The following CAPN5 variants were observed in gnomAD, a reference collection of about 807,000 sequenced individuals.
CAPN5 encodes the protein calpain-5.
CAPN5 carries 54 observed loss-of-function variants against 73.0 expected under a neutral mutation model. The observed-to-expected ratio is 0.74, with a 90% CI of 0.59 to 0.93. The LOEUF (loss-of-function observed/expected upper bound fraction) is 0.93, where lower values mean the gene tolerates loss of function less well. Among genes scored for constraint, CAPN5 ranks in the 40% least tolerant of loss-of-function variants. The pLI, the probability that CAPN5 is intolerant of heterozygous loss-of-function variation, is 0.00. For synonymous variants in CAPN5, 335 were observed against 356.9 expected (o/e 0.94, Z 0.69); for missense variants, 785 against 882.9 (o/e 0.89, Z 1.41).
intron 11 of CAPN5, 34 bp from the exon 12 acceptor site, chr11:77,122,542 C>T (rs1320704): frequency 8.4e-7 from 1 of 1,192,012 alleles, no homozygotes; most frequent in East Asian, 2.6e-5. Context: ...CCCCCACCCC[C>T]ACCCTCACCC....
In CAPN5 at chr11:77,120,805, C is replaced by T. The variant is rs781914817; in HGVS notation, c.1383C>T (p.Thr461=). ...ACTCACGCAGCGTCTTCCTGCGCACCGACCAGCCCGAGGGCCGCTATGTCA... is the reference window on the plus strand; with the variant it reads ...ACTCACGCAGCGTCTTCCTGCGCACTGACCAGCCCGAGGGCCGCTATGTCA... The part of the protein sequence containing the change: ...YINSRSVFLR[T]DQPEGRYVII... The change falls in exon 10 of 13, where the codon ACC becomes ACT. Residue 461 remains threonine (T), a synonymous_variant. Transcript: ENST00000648180. The T allele has an allele frequency of 2.5e-6, 4 of 1,614,028 alleles. No individual in the cohort carries two copies. Among genetic ancestry groups the T allele is most frequent in the African/African-American group, 2.7e-5 (2 of 74,926 alleles).
At chr11:77,122,354 G>A (rs960988201) in intron 11 of CAPN5, among the ~76,000 whole-genome samples, 7 of 152,180 alleles carry the variant, frequency 4.6e-5, no homozygotes, top group African/African-American at 9.7e-5. Flanking sequence ...AAGGTGCTCC[G>A]GGCAGAGGGA....
Position 77,119,112 on chromosome 11 carries a change from G to A in CAPN5, c.1250G>A (p.Gly417Asp). ...CCAAAGCGGTCTACGCGCCGGGAGG[G>A]CAAGGGTGAGAACCTGGCCATTGGC... ...QRPKRSTRRE[G>D]KGENLAIGFD... The change falls in exon 9 of 13, where the codon GGC becomes GAC. Residue 417 changes from glycine (G) to aspartate (D), a missense_variant. Transcript: ENST00000648180. 1.2e-6 allele frequency: 2 copies of A among 1,613,770 alleles called. No homozygotes were observed. Among genetic ancestry groups the A allele is most frequent in the Non-Finnish European group, 1.7e-6 (2 of 1,179,920 alleles).
intron 1 of CAPN5, among the ~76,000 whole-genome samples, chr11:77,076,408 A>G (rs1949969006): frequency 1.3e-5 from 2 of 152,206 alleles, no homozygotes; most frequent in Non-Finnish European, 2.9e-5. Flanking sequence ...GTTATTAACT[A>G]TTGTCACCAT....
chr11:77,116,506 C>G (rs1184457523), intron 7 of CAPN5, among the ~76,000 whole-genome samples: 2 of 152,190 alleles, frequency 1.3e-5, no homozygotes, highest in Non-Finnish European at 2.9e-5. Context: ...GCCCTTTCAT[C>G]CCCACAGTCC....
intron 3 of CAPN5, among the ~76,000 whole-genome samples, chr11:77,106,265 A>C (rs1591137113): frequency 1.6e-3 from 184 of 116,818 alleles, no homozygotes; most frequent in Middle Eastern, 4.2e-3. Context: ...CCCGCACCCA[A>C]CCCCCACCCC....
intron 2 of CAPN5, among the ~76,000 whole-genome samples, chr11:77,091,393 CTG>C (rs1950147675): frequency 1.1e-4 from 16 of 152,330 alleles, no homozygotes; most frequent in African/African-American, 3.4e-4. Flanking sequence ...TCAGGAGCGC[CTG>C]CTGGAGTGGA....
chr11:77,109,216 A>T (rs1555040390), intron 3 of CAPN5, among the ~76,000 whole-genome samples: 1 of 152,158 alleles, frequency 6.6e-6, no homozygotes, highest in African/African-American at 2.4e-5. Flanking sequence ...AAATTCATTC[A>T]TTCTTCAGTG....
At chr11:77,088,511 G>T (rs1036980895) in intron 2 of CAPN5, among the ~76,000 whole-genome samples, 40 of 152,096 alleles carry the variant, frequency 2.6e-4, no homozygotes, top group African/African-American at 9.2e-4. Flanking sequence ...TGGAGGAGAA[G>T]GAGGTAGGGC....
rs186635982 is a variant in CAPN5 at position 77,079,723 on chromosome 11, C to T, written c.-35-5129C>T. ...TTTTCTAGATATAGTCAAATGGTTT[C>T]GCAAAGTGATTATACCAATTTGTCC... On this transcript the variant is annotated intron_variant, in intron 1 of 12. Transcript: ENST00000648180. Among the ~76,000 whole-genome samples, 564 of 151,882 alleles carry T rather than the reference C, an allele frequency of 3.7e-3. 1 individual carries two copies. Among genetic ancestry groups the T allele is most frequent in the Admixed American group, 5.5e-3 (84 of 15,238 alleles).
chr11:77,098,271 C>T lies in CAPN5; in HGVS notation c.297+4458C>T, dbSNP rs1476197912. On this transcript the variant is annotated intron_variant, in intron 3 of 12. Coordinates refer to ENST00000648180, the MANE Select transcript of CAPN5 (RefSeq NM_004055.5). ...CTCCCGGACGGGGCGTCTGGCCGGG[C>T]GGGGGGCTGACCCCCCCACCTCCCT... Among the ~76,000 whole-genome samples, 21 of 97,548 alleles carry T rather than the reference C, an allele frequency of 2.2e-4. 1 individual carries two copies. The highest frequency in any genetic ancestry group is 4.2e-4 in the Non-Finnish European group (20 of 48,056). 64.0% of individuals were successfully genotyped at this position (97,548 alleles called of 152,430 possible).
At position 77,125,663 on chromosome 11, in the gene CAPN5, C is replaced by G. The variant is rs1479859118; in HGVS notation, c.*1793C>G. On this transcript the variant is annotated 3_prime_UTR_variant, in exon 13 of 13. Coordinates refer to ENST00000648180, the MANE Select transcript of CAPN5 (RefSeq NM_004055.5). ...ATACATTCATGTAATCACCACTTCT[C>G]GATGTCTATTTCAAATCAAGGCTCC... 6.6e-6 allele frequency: 1 copy of G among 150,934 alleles called. No individual in the cohort carries two copies. Among genetic ancestry groups the G allele is most frequent in the African/African-American group, 2.5e-5 (1 of 40,698 alleles). The allele number at this position is 150,934 out of a possible 1,614,324, so 9.3% of individuals were successfully genotyped here.
chr11:77,093,709 GTGGA>G lies in CAPN5; in HGVS notation c.197_200del (p.Asp66AlafsTer96). ...CATCTGCGAGGACCCCCGCCTCTTT[GTGGA>G]TGGCATCAGCTCCCACGACCTGCAC... is the stretch of plus-strand genomic sequence containing the variant. On this transcript the variant is annotated frameshift_variant, in exon 3 of 13. Coordinates refer to ENST00000648180, the MANE Select transcript of CAPN5 (RefSeq NM_004055.5). LOFTEE classifies it high-confidence loss of function. 6.2e-7 allele frequency: 1 copy of G among 1,608,118 alleles called. No homozygotes were observed. Among genetic ancestry groups the G allele is most frequent in the Non-Finnish European group, 8.5e-7 (1 of 1,178,692 alleles).
At chr11:77,118,069 T>C in intron 7 of CAPN5, 88 bp from the exon 8 acceptor site, 1 of 1,213,406 alleles carries the variant, frequency 8.2e-7, no homozygotes, top group South Asian at 1.4e-5. Flanking sequence ...CTCTGGGCCA[T>C]ATGGACATAT....
chr11:77,069,879 C>A, intron 1 of CAPN5, among the ~76,000 whole-genome samples: 1 of 152,192 alleles, frequency 6.6e-6, no homozygotes, highest in East Asian at 1.9e-4. Context: ...TGCTGCCCAC[C>A]TCTGAGCCCT....
chr11:77,085,020 C>G lies in CAPN5; in HGVS notation c.134C>G (p.Pro45Arg). The change falls in exon 2 of 13, where the codon CCG becomes CGG. Residue 45 changes from proline to arginine, a missense_variant. Physicochemically the swap from Pro to Arg is moderately radical, Grantham distance 103 (BLOSUM62 -2). Coordinates refer to ENST00000648180, the MANE Select transcript of CAPN5 (RefSeq NM_004055.5). ...TDDSLYYKGT[P>R]GPAVRWKRPK... ...GACTCACTCTACTATAAGGGCACGC[C>G]GGGGCCCGCCGTCAGGTGGAAGCGA... 1 of 1,613,502 alleles carries G rather than the reference C, an allele frequency of 6.2e-7. No homozygotes were observed. The highest frequency in any genetic ancestry group is 8.5e-7 in the Non-Finnish European group (1 of 1,180,018).
chr11:77,125,078 G>C lies in CAPN5; in HGVS notation c.*1208G>C, dbSNP rs558178583. The C allele has an allele frequency of 6.4e-4, 97 of 152,414 alleles. No homozygotes were observed. The highest frequency in any genetic ancestry group is 2.2e-3 in the African/African-American group (93 of 41,534). 9.4% of individuals were successfully genotyped at this position (152,414 alleles called of 1,614,324 possible). A position where few individuals can be genotyped will look rare whatever the true frequency, so the allele number is the denominator to read the frequency against. The stretch of plus-strand genomic sequence containing the variant: ...TTTCTTCTTGGCTCCAGTTTTGCTG[G>C]TCCTCTGGAGAACTCTTCGTGAGCA... On this transcript the variant is annotated 3_prime_UTR_variant, in exon 13 of 13. Transcript: ENST00000648180.
chr11:77,103,455 G>C (rs906237220), intron 3 of CAPN5: 2 of 1,181,142 alleles, frequency 1.7e-6, no homozygotes, highest in East Asian at 4.7e-5. Flanking sequence ...CTTGCCCAGA[G>C]GCCCCCTGAG....
In CAPN5 at chr11:77,076,315, A is replaced by G. The variant is rs181775814; in HGVS notation, c.-35-8537A>G. 2.2e-3 allele frequency among the ~76,000 whole-genome samples: 338 copies of G among 152,348 alleles called. 4 individuals carry two copies. The highest frequency in any genetic ancestry group is 7.6e-3 in the African/African-American group (318 of 41,582). On this transcript the variant is annotated intron_variant, in intron 1 of 12. Coordinates refer to ENST00000648180, the MANE Select transcript of CAPN5 (RefSeq NM_004055.5). ...GGTTGCTGTGAGCCGAGATCACGCT[A>G]CTGCGCTCCAGCCTGGGCAACAGAG...
Sources: allele counts gnomAD v4.1 joint callset (sites outside exome capture counted in the v4.1 genomes callset), GRCh38; gene constraint gnomAD v4.1.1; transcripts MANE v1.5; gene names NCBI Gene and HGNC (gene_info 2026-07-23, HGNC 2026-07-21).